The following CAMKMT variants were observed in gnomAD, a reference collection of about 807,000 sequenced individuals.
CAMKMT encodes the protein CaM KMT.
In CAMKMT, 53 loss-of-function variants were observed where a neutral mutation model predicts 48.0. That is an observed-to-expected ratio of 1.10 (90% CI 0.89 to 1.39). The LOEUF (loss-of-function observed/expected upper bound fraction) is 1.39. CAMKMT is among the 40% of genes most tolerant of loss of function. The pLI is 0.00. For synonymous variants in CAMKMT, 165 were observed against 152.3 expected (o/e 1.08, Z -0.61); for missense variants, 428 against 402.7 (o/e 1.06, Z -0.54).
At chr2:44,508,991 G>A (rs1670399226) in intron 3 of CAMKMT, among the ~76,000 whole-genome samples, 2 of 151,952 alleles carry the variant, frequency 1.3e-5, no homozygotes, top group Admixed American at 6.6e-5. Context: ...AGCTACTCGG[G>A]AGGCTGAGAC....
chr2:44,716,935 T>G (rs944624362), intron 7 of CAMKMT, among the ~76,000 whole-genome samples: 55 of 152,190 alleles, frequency 3.6e-4, no homozygotes, highest in Non-Finnish European at 4.4e-5. Flanking sequence ...GTGTTAATAA[T>G]CACTAATTAA....
At chr2:44,586,018 T>C (rs1454448038) in intron 3 of CAMKMT, among the ~76,000 whole-genome samples, 1 of 152,146 alleles carries the variant, frequency 6.6e-6, no homozygotes. Context: ...ATTCTAAATA[T>C]ACAAGAAGAT....
chr2:44,740,381 C>T (rs910626571), intron 7 of CAMKMT, among the ~76,000 whole-genome samples: 2 of 152,160 alleles, frequency 1.3e-5, no homozygotes, highest in East Asian at 3.9e-4. Context: ...CCACCCGCTT[C>T]GGTCTCCCAA....
intron 3 of CAMKMT, among the ~76,000 whole-genome samples, chr2:44,636,619 C>T (rs575338709): frequency 2.0e-5 from 3 of 152,172 alleles, no homozygotes; most frequent in Admixed American, 2.0e-4. Context: ...TTCTGAACTT[C>T]CAACGGTTCT....
intron 3 of CAMKMT, among the ~76,000 whole-genome samples, chr2:44,619,143 A>C (rs1672043046): frequency 1.3e-5 from 2 of 152,238 alleles, no homozygotes; most frequent in Admixed American, 1.3e-4. Context: ...CGATGGAAAC[A>C]GGATATCTTT....
intron 3 of CAMKMT, among the ~76,000 whole-genome samples, chr2:44,571,908 A>G (rs1276424554): frequency 6.6e-6 from 1 of 152,244 alleles, no homozygotes; most frequent in African/African-American, 2.4e-5. Flanking sequence ...TGAAATAACA[A>G]ATTCGAACAC....
At chr2:44,383,225 C>T (rs143797780) in intron 2 of CAMKMT, among the ~76,000 whole-genome samples, 3,603 of 151,988 alleles carry the variant, frequency 0.024, 163 homozygotes, top group African/African-American at 0.083. Flanking sequence ...AGTGCAGTGG[C>T]GTGATCTCAG....
At chr2:44,477,973 G>A (rs557087719) in intron 3 of CAMKMT, among the ~76,000 whole-genome samples, 62 of 152,158 alleles carry the variant, frequency 4.1e-4, no homozygotes, top group Admixed American at 8.5e-4. Flanking sequence ...GGCAAACAGC[G>A]TATGTAAGGC....
chr2:44,374,975 T>G (rs1162380050), intron 2 of CAMKMT, among the ~76,000 whole-genome samples: 1 of 152,038 alleles, frequency 6.6e-6, no homozygotes, highest in East Asian at 1.9e-4. Flanking sequence ...ACAAAAAATT[T>G]TAAAAATTAG....
intron 3 of CAMKMT, among the ~76,000 whole-genome samples, chr2:44,635,747 G>A (rs937767719): frequency 6.6e-6 from 1 of 152,160 alleles, no homozygotes; most frequent in African/African-American, 2.4e-5. Flanking sequence ...TGTAGCTGGG[G>A]GTGCTCCTTA....
chr2:44,592,365 A>G (rs1287499873), intron 3 of CAMKMT, among the ~76,000 whole-genome samples: 1 of 152,150 alleles, frequency 6.6e-6, no homozygotes, highest in East Asian at 1.9e-4. Context: ...ACTTACTGGC[A>G]TAATGTTATT....
chr2:44,510,665 C>A (rs1217428601), intron 3 of CAMKMT, among the ~76,000 whole-genome samples: 1 of 152,160 alleles, frequency 6.6e-6, no homozygotes, highest in African/African-American at 2.4e-5. Flanking sequence ...TAAAAAACTT[C>A]ATTTCAATAG....
intron 3 of CAMKMT, among the ~76,000 whole-genome samples, chr2:44,395,981 G>A (rs1681801212): frequency 1.3e-5 from 2 of 152,028 alleles, no homozygotes; most frequent in Non-Finnish European, 2.9e-5. Context: ...CTAAATATAT[G>A]TGACTTAACA....
rs759251420 is a variant in CAMKMT at position 44,754,080 on chromosome 2, A to G, written c.724A>G (p.Ser242Gly). The change falls in exon 9 of 11, where the codon AGC becomes GGC. Residue 242 changes from serine to glycine, a missense_variant. Ser to Gly is a moderately conservative substitution (Grantham distance 56, BLOSUM62 0). Transcript: ENST00000378494. Reference protein sequence around the residue: ...DCLFLDQYRASLVDAIKRLLQ... With the variant: ...DCLFLDQYRAGLVDAIKRLLQ... The stretch of plus-strand genomic sequence containing the variant: ...CCTGTTTCTGGACCAGTACAGAGCC[A>G]GCCTTGTTGATGCAATAAAGAGATT... 9.4e-5 allele frequency: 151 copies of G among 1,613,952 alleles called. 1 individual carries two copies. In the East Asian group the frequency reaches 3.3e-3, roughly 36 times the overall value.
At chr2:44,555,464 G>A (rs1572788067) in intron 3 of CAMKMT, among the ~76,000 whole-genome samples, 1 of 152,048 alleles carries the variant, frequency 6.6e-6, no homozygotes. Context: ...GGGAGGATGG[G>A]TTCCATTTTA....
chr2:44,606,822 AAGATTACTGTGAG>A (rs1671314018), intron 3 of CAMKMT, among the ~76,000 whole-genome samples: 1 of 144,228 alleles, frequency 6.9e-6, no homozygotes, highest in Non-Finnish European at 1.5e-5. Flanking sequence ...CCCCCCCACC[AAGATTACTGTGAG>A]AGTTCAGTTT....
chr2:44,755,958 G>A (rs1332094877), intron 9 of CAMKMT, among the ~76,000 whole-genome samples: 1 of 152,188 alleles, frequency 6.6e-6, no homozygotes, highest in Non-Finnish European at 1.5e-5. Context: ...CCTCACTTAG[G>A]CCCCTCTTGG....
chr2:44,388,454 C>T (rs1680988804), intron 2 of CAMKMT, among the ~76,000 whole-genome samples: 1 of 152,142 alleles, frequency 6.6e-6, no homozygotes, highest in African/African-American at 2.4e-5. Flanking sequence ...TTGCCTTTCT[C>T]TGGTGCCTCC....
intron 3 of CAMKMT, among the ~76,000 whole-genome samples, chr2:44,418,547 T>C (rs1322406124): frequency 6.6e-6 from 1 of 152,202 alleles, no homozygotes; most frequent in Non-Finnish European, 1.5e-5. Context: ...TTGAAAATCA[T>C]TTACCCAAAT....
Sources: gnomAD v4.1 joint callset for allele counts (sites outside exome capture counted in the v4.1 genomes callset) on GRCh38, gnomAD v4.1.1 for gene constraint, MANE v1.5 for transcripts, NCBI Gene and HGNC (gene_info 2026-07-23, HGNC 2026-07-21) for gene names.